PRKAR1A: variants seen among roughly 807,000 people sequenced by gnomAD.
PRKAR1A encodes cAMP-dependent protein kinase type I-alpha regulatory subunit.
Under a neutral mutation model 52.0 loss-of-function variants are expected in PRKAR1A, and 3 were observed. That is an observed-to-expected ratio of 0.06 (90% CI 0.03 to 0.15). The LOEUF is 0.15. Ranked by LOEUF, PRKAR1A falls within the 10% of genes least tolerant of loss-of-function variation. The pLI, the probability that PRKAR1A is intolerant of heterozygous loss-of-function variation, is 1.00. For synonymous variants in PRKAR1A, 188 were observed against 168.4 expected (o/e 1.12, Z -0.90); for missense variants, 240 against 477.4 (o/e 0.50, Z 4.63).
At chr17:68,542,045 G>C in intron 11 of PRKAR1A, 1 of 1,614,144 alleles carries the variant, frequency 6.2e-7, no homozygotes, top group Non-Finnish European at 8.5e-7. Flanking sequence ...CAGCCTGGGG[G>C]CCAGGTTGAG....
chr17:68,547,385 T>TCTTC (rs2086619497), intron 11 of PRKAR1A, among the ~76,000 whole-genome samples: 1 of 152,238 alleles, frequency 6.6e-6, no homozygotes, highest in African/African-American at 2.4e-5. Context: ...CATTGACTTT[T>TCTTC]CTTCTCTAGC....
At chr17:68,513,933 A>G (rs2085349821) in intron 1 of PRKAR1A, among the ~76,000 whole-genome samples, 2 of 152,242 alleles carry the variant, frequency 1.3e-5, no homozygotes, top group African/African-American at 2.4e-5. Context: ...GATCTGATTT[A>G]TGATTGTTCT....
At chr17:68,547,338 T>C (rs918858356) in intron 11 of PRKAR1A, among the ~76,000 whole-genome samples, 1 of 152,218 alleles carries the variant, frequency 6.6e-6, no homozygotes, top group African/African-American at 2.4e-5. Flanking sequence ...TTGTTACATA[T>C]GTATACATGT....
chr17:68,467,841 G>A, the PRKAR1A span, among the ~76,000 whole-genome samples: 6 of 152,158 alleles, frequency 3.9e-5, no homozygotes, highest in African/African-American at 1.4e-4. Context: ...GCTTAGCTTC[G>A]GCCGGGGATC....
intron 9 of PRKAR1A, 43 bp from the exon 10 acceptor site, chr17:68,529,877 T>G: frequency 4.4e-6 from 7 of 1,586,098 alleles, no homozygotes; most frequent in South Asian, 1.1e-5. Flanking sequence ...ACCCTGGGTT[T>G]GAGAGTGTGT....
At chr17:68,476,534 A>T in the PRKAR1A span, among the ~76,000 whole-genome samples, 1 of 152,024 alleles carries the variant, frequency 6.6e-6, no homozygotes, top group Non-Finnish European at 1.5e-5. Flanking sequence ...CGGGGCAACC[A>T]CTGTTACCAG....
chr17:68,452,300 CA>C, the PRKAR1A span, among the ~76,000 whole-genome samples: 1 of 152,196 alleles, frequency 6.6e-6, no homozygotes, highest in Non-Finnish European at 1.5e-5. Flanking sequence ...TGAGGTGGCT[CA>C]CGCCTGTAAT....
At chr17:68,441,585 G>A in the PRKAR1A span, among the ~76,000 whole-genome samples, 7 of 152,158 alleles carry the variant, frequency 4.6e-5, no homozygotes, top group Non-Finnish European at 7.4e-5. Context: ...GAAGGTTCCC[G>A]AGTGAGGACC....
chr17:68,459,748 T>A, the PRKAR1A span, among the ~76,000 whole-genome samples: 1 of 152,312 alleles, frequency 6.6e-6, no homozygotes, highest in South Asian at 2.1e-4. Context: ...AATAGGCAAA[T>A]TAATTGGAAT....
chr17:68,498,674 G>A, the PRKAR1A span, among the ~76,000 whole-genome samples: 6 of 152,194 alleles, frequency 3.9e-5, no homozygotes, highest in African/African-American at 1.4e-4. Context: ...TCAGTTCTTG[G>A]AAACCTGGCA....
chr17:68,484,321 T>A, the PRKAR1A span, among the ~76,000 whole-genome samples: 2 of 152,246 alleles, frequency 1.3e-5, no homozygotes, highest in African/African-American at 4.8e-5. Context: ...TATCTTTAAA[T>A]GTTTTGTATT....
chr17:68,432,783 C>T, the PRKAR1A span, among the ~76,000 whole-genome samples: 15 of 152,254 alleles, frequency 9.9e-5, no homozygotes, highest in African/African-American at 3.1e-4. Flanking sequence ...GTTTTCAAAG[C>T]GCTCTTTCTC....
chr17:68,510,782 CT>C (rs913162558), upstream of PRKAR1A, among the ~76,000 whole-genome samples: 132 of 152,328 alleles, frequency 8.7e-4, 1 homozygote, highest in African/African-American at 3.0e-3. Flanking sequence ...CCATTCCCCC[CT>C]GTAAGCCTGA....
At chr17:68,484,069 T>C in the PRKAR1A span, among the ~76,000 whole-genome samples, 3 of 152,224 alleles carry the variant, frequency 2.0e-5, no homozygotes, top group African/African-American at 4.8e-5. Context: ...TTTGTGCCTT[T>C]CCTTATGAAT....
intron 2 of PRKAR1A, among the ~76,000 whole-genome samples, chr17:68,517,447 T>TA (rs2085467816): frequency 6.6e-6 from 1 of 152,178 alleles, no homozygotes; most frequent in Non-Finnish European, 1.5e-5. Context: ...TCAGGAAACT[T>TA]ACAATCATGG....
intron 11 of PRKAR1A, chr17:68,539,448 C>T (rs1331374588): frequency 6.6e-7 from 1 of 1,512,946 alleles, no homozygotes; most frequent in South Asian, 1.1e-5. Flanking sequence ...CTTTGCATTC[C>T]CCTGAGGCTT....
At chr17:68,417,571 C>T in the PRKAR1A span, among the ~76,000 whole-genome samples, 1 of 151,922 alleles carries the variant, frequency 6.6e-6, no homozygotes, top group Admixed American at 6.6e-5. Flanking sequence ...CAGTTCAGGG[C>T]TTCCCTACTC....
the PRKAR1A span, among the ~76,000 whole-genome samples, chr17:68,488,313 G>C: frequency 6.6e-6 from 1 of 152,158 alleles, no homozygotes; most frequent in Non-Finnish European, 1.5e-5. Flanking sequence ...GATCTAAGGA[G>C]CTTGCACGCC....
At chr17:68,441,725 CA>C in the PRKAR1A span, among the ~76,000 whole-genome samples, 1 of 152,198 alleles carries the variant, frequency 6.6e-6, no homozygotes, top group Non-Finnish European at 1.5e-5. Flanking sequence ...GCCACAACCT[CA>C]GGTAACGCTC....
Sources: allele counts gnomAD v4.1 joint callset (sites outside exome capture counted in the v4.1 genomes callset), GRCh38; gene constraint gnomAD v4.1.1; transcripts MANE v1.5; gene names NCBI Gene and HGNC (gene_info 2026-07-23, HGNC 2026-07-21).